PLCB1: variants seen among roughly 807,000 people sequenced by gnomAD.
PLCB1 encodes the protein phospholipase C beta 1, also known as 1-phosphatidylinositol 4,5-bisphosphate phosphodiesterase beta-1.
A neutral mutation model predicts 161.8 loss-of-function variants in PLCB1; 46 were observed. The ratio of observed to expected loss-of-function variants is 0.28; its 90% CI spans 0.22 to 0.36. The LOEUF (loss-of-function observed/expected upper bound fraction) is 0.36. PLCB1 is among the 10% of genes least tolerant of loss of function. PLCB1 has a pLI of 1.00. For synonymous variants in PLCB1, 517 were observed against 503.7 expected (o/e 1.03, Z -0.35); for missense variants, 1,016 against 1,472.5 (o/e 0.69, Z 5.07).
chr20:8,562,041 A>T (rs1035595026), intron 3 of PLCB1, among the ~76,000 whole-genome samples: 1 of 152,002 alleles, frequency 6.6e-6, no homozygotes, highest in Non-Finnish European at 1.5e-5. Flanking sequence ...GAGTAAAAAA[A>T]GATAGAGAAG....
In PLCB1 at chr20:8,757,416, G is replaced by A. The variant is rs111274692; in HGVS notation, c.2656+238G>A. 4.3e-3 allele frequency among the ~76,000 whole-genome samples: 659 copies of A among 152,232 alleles called. 10 individuals carry two copies. In the South Asian group the frequency reaches 0.044, roughly 10 times the overall value. On this transcript the variant is annotated intron_variant, in intron 24 of 31. Coordinates refer to ENST00000338037, the MANE Select transcript of PLCB1 (RefSeq NM_015192.4). ...AACAAAAAAAATCACCCAGATTTCC[G>A]GTGTCCTTTTTCAGTGATGAGTTAT...
At chr20:8,594,154 A>G (rs1461583113) in intron 3 of PLCB1, among the ~76,000 whole-genome samples, 1 of 151,440 alleles carries the variant, frequency 6.6e-6, no homozygotes, top group African/African-American at 2.4e-5. Flanking sequence ...CTCCACCTCA[A>G]CCTCCCGAAG....
At chr20:8,651,968 C>G (rs1423386246) in intron 7 of PLCB1, 1 of 153,726 alleles carries the variant, frequency 6.5e-6, no homozygotes, top group East Asian at 1.9e-4. Context: ...TCTGATTTTA[C>G]CTTTTCTGGA....
chr20:8,228,493 T>C (rs1376188634), intron 2 of PLCB1, among the ~76,000 whole-genome samples: 1 of 152,056 alleles, frequency 6.6e-6, no homozygotes, highest in African/African-American at 2.4e-5. Flanking sequence ...AGGTCAGTGT[T>C]TCAAACTCTG....
At chr20:8,556,660 TGTGTGTG>T (rs1985964812) in intron 3 of PLCB1, among the ~76,000 whole-genome samples, 1 of 9,028 alleles carries the variant, frequency 1.1e-4, no homozygotes, top group Non-Finnish European at 1.9e-4. Context: ...GGGTTGGGTG[TGTGTGTG>T]TGTGTGTGTG....
At chr20:8,406,575 C>T (rs1349151282) in intron 3 of PLCB1, among the ~76,000 whole-genome samples, 4 of 152,170 alleles carry the variant, frequency 2.6e-5, no homozygotes, top group African/African-American at 9.7e-5. Context: ...TTTTGTGAGT[C>T]AGATGAGTTG....
intron 31 of PLCB1, among the ~76,000 whole-genome samples, chr20:8,854,372 TC>T (rs1444999017): frequency 6.6e-6 from 1 of 152,126 alleles, no homozygotes; most frequent in Middle Eastern, 3.2e-3. Context: ...TTCTGTGATT[TC>T]TTCTTCATTC....
chr20:8,361,104 A>C (rs911270837), intron 2 of PLCB1, among the ~76,000 whole-genome samples: 2 of 152,240 alleles, frequency 1.3e-5, no homozygotes, highest in Admixed American at 1.3e-4. Context: ...TATCATGCAC[A>C]GGGCTGAATC....
chr20:8,361,356 G>A (rs183431590), intron 2 of PLCB1, among the ~76,000 whole-genome samples: 9 of 151,984 alleles, frequency 5.9e-5, no homozygotes, highest in South Asian at 2.1e-4. Context: ...TGCCCTACCC[G>A]TTCTAGACCT....
chr20:8,787,203 A>G (rs1222643254), intron 27 of PLCB1, among the ~76,000 whole-genome samples: 2 of 152,208 alleles, frequency 1.3e-5, no homozygotes, highest in African/African-American at 4.8e-5. Context: ...TATCTCCACA[A>G]GGCTGGAGTC....
intron 9 of PLCB1, among the ~76,000 whole-genome samples, chr20:8,682,307 C>T (rs1055622394): frequency 6.6e-6 from 1 of 151,796 alleles, no homozygotes; most frequent in Non-Finnish European, 1.5e-5. Flanking sequence ...TCAAGACCAG[C>T]CTGGGGAACA....
At chr20:8,842,634 G>T (rs116513814) in intron 31 of PLCB1, among the ~76,000 whole-genome samples, 2,815 of 152,256 alleles carry the variant, frequency 0.018, 98 homozygotes, top group African/African-American at 0.065. Context: ...AGCTCCCGGA[G>T]TGAGCAATTC....
At chr20:8,814,994 C>A (rs151239288) in intron 31 of PLCB1, among the ~76,000 whole-genome samples, 2 of 152,274 alleles carry the variant, frequency 1.3e-5, no homozygotes, top group African/African-American at 4.8e-5. Context: ...TGCTGCACAG[C>A]AATCCACACT....
chr20:8,717,606 G>T lies in PLCB1; in HGVS notation c.1336-65G>T. 2.4e-6 allele frequency: 3 copies of T among 1,271,444 alleles called. No homozygotes were observed. In the South Asian group the frequency reaches 4.2e-5, roughly 18 times the overall value. The allele number at this position is 1,271,444 out of a possible 1,614,324, so 78.8% of individuals were successfully genotyped here. ...TTTGGTATCCACAGCTGATCTGGGGGTCTGGGGAGGGGATCTGAAAGAGGG... is the reference window on the plus strand; with the variant it reads ...TTTGGTATCCACAGCTGATCTGGGGTTCTGGGGAGGGGATCTGAAAGAGGG... On this transcript the variant is annotated intron_variant, in intron 13 of 31. Transcript: ENST00000338037.
intron 4 of PLCB1, among the ~76,000 whole-genome samples, chr20:8,643,995 C>T (rs1390860954): frequency 6.6e-6 from 1 of 152,242 alleles, no homozygotes; most frequent in Admixed American, 6.5e-5. Flanking sequence ...CGGGGTTTCG[C>T]TGTGTTGGCC....
At chr20:8,828,364 A>G (rs1985814215) in intron 31 of PLCB1, among the ~76,000 whole-genome samples, 2 of 151,240 alleles carry the variant, frequency 1.3e-5, no homozygotes, top group South Asian at 4.1e-4. Flanking sequence ...TGAAACAAGG[A>G]AATTCAGTTA....
intron 31 of PLCB1, among the ~76,000 whole-genome samples, chr20:8,856,442 C>G (rs1156524996): frequency 6.6e-6 from 1 of 151,972 alleles, no homozygotes; most frequent in Non-Finnish European, 1.5e-5. Context: ...ATGATAAAAC[C>G]CTGTCTATAC....
chr20:8,766,258 C>G (rs1423366273), intron 26 of PLCB1, among the ~76,000 whole-genome samples: 3 of 152,190 alleles, frequency 2.0e-5, no homozygotes, highest in African/African-American at 7.2e-5. Flanking sequence ...AAACACACAG[C>G]ATCATCTCAG....
intron 3 of PLCB1, among the ~76,000 whole-genome samples, chr20:8,561,591 A>G (rs1455143992): frequency 1.3e-5 from 2 of 152,060 alleles, no homozygotes; most frequent in South Asian, 2.1e-4. Flanking sequence ...CTATCAGTGA[A>G]AATAACAGGG....
Sources: allele counts gnomAD v4.1 joint callset (sites outside exome capture counted in the v4.1 genomes callset), GRCh38; gene constraint gnomAD v4.1.1; transcripts MANE v1.5; gene names NCBI Gene and HGNC (gene_info 2026-07-23, HGNC 2026-07-21).